The following PABIR3 variants were observed in gnomAD, a reference collection of about 807,000 sequenced individuals.
PABIR3 encodes the protein PABIR family member 1.
In PABIR3, 20 loss-of-function variants were observed where a neutral mutation model predicts 23.1. The ratio of observed to expected loss-of-function variants is 0.86; its 90% CI spans 0.61 to 1.26. PABIR3 has a LOEUF of 1.26. Ranked by LOEUF, PABIR3 falls within the 50% of genes most tolerant of loss-of-function variation. PABIR3 has a pLI of 0.00. For missense variants in PABIR3, 189 were observed against 195.4 expected, an observed-to-expected ratio of 0.97 and a Z score of 0.20; for synonymous variants, 69 against 68.5, an observed-to-expected ratio of 1.01 and a Z score of -0.04.
chrX:134,819,203 G>A (rs1404570660), intron 3 of PABIR3, among the ~76,000 whole-genome samples: 1 of 110,569 alleles, frequency 9.0e-6, no homozygotes, highest in Non-Finnish European at 1.9e-5. Flanking sequence ...CCAAAGTACT[G>A]GGATTACAGG....
chrX:134,832,384 G>A (rs2081823683), intron 4 of PABIR3, among the ~76,000 whole-genome samples: 1 of 101,289 alleles, frequency 9.9e-6, no homozygotes, highest in South Asian at 4.8e-4. Context: ...TGCTACAAAC[G>A]ACTGGATCCC....
intron 6 of PABIR3, among the ~76,000 whole-genome samples, chrX:134,846,641 T>C (rs2082447378): frequency 8.9e-6 from 1 of 112,089 alleles, no homozygotes; most frequent in Non-Finnish European, 1.9e-5. Flanking sequence ...TTATTTTCCT[T>C]TGAGCCCTGA....
At chrX:134,851,378 A>G (rs753782693) in intron 9 of PABIR3, among the ~76,000 whole-genome samples, 1 of 110,315 alleles carries the variant, frequency 9.1e-6, no homozygotes, top group African/African-American at 3.3e-5. Context: ...TCTACTAAAA[A>G]TACAAAAATT....
upstream of PABIR3, among the ~76,000 whole-genome samples, chrX:134,804,891 A>G (rs1225061037): frequency 8.9e-6 from 1 of 112,573 alleles, no homozygotes; most frequent in Non-Finnish European, 1.9e-5. Context: ...TACCCTGGGA[A>G]TTTTAACAGT....
At chrX:134,853,169 G>T (rs1399614760) in intron 10 of PABIR3, among the ~76,000 whole-genome samples, 3 of 111,036 alleles carry the variant, frequency 2.7e-5, no homozygotes, top group African/African-American at 9.8e-5. Context: ...GGCTCAAGCA[G>T]TCCTCCCACC....
chrX:134,849,773 A>G (rs1022677866), intron 9 of PABIR3, among the ~76,000 whole-genome samples: 1 of 109,793 alleles, frequency 9.1e-6, no homozygotes, highest in Admixed American at 9.9e-5. Flanking sequence ...GGCAGTGGAA[A>G]GAATAAAAGG....
rs150994766 is a variant in PABIR3 at position 134,815,492 on chromosome X, C to T, written c.189+643C>T. On this transcript the variant is annotated intron_variant, in intron 3 of 10. Coordinates refer to ENST00000645433, the MANE Select transcript of PABIR3 (RefSeq NM_001388447.1). ...TGTTTTAAAATATACAATTCAATGG[C>T]ATTTAGTGTATTCACAATGTTGTTC... is the stretch of plus-strand genomic sequence containing the variant. Among the ~76,000 whole-genome samples, 61 of 111,352 alleles carry T rather than the reference C, an allele frequency of 5.5e-4. No homozygotes were observed. The East Asian group carries it at 0.015, about 27-fold the overall frequency.
intron 10 of PABIR3, 109 bp from the exon 11 acceptor site, chrX:134,853,982 C>G (rs1194679306): frequency 1.2e-6 from 1 of 845,161 alleles, no homozygotes; most frequent in Non-Finnish European, 1.6e-6. Flanking sequence ...TTGCTTGTGA[C>G]AAGTGCCAGT....
At chrX:134,818,934 C>CTTTTTT (rs1216993828) in intron 3 of PABIR3, among the ~76,000 whole-genome samples, 492 of 76,999 alleles carry the variant, frequency 6.4e-3, no homozygotes, top group Non-Finnish European at 7.2e-3. Flanking sequence ...TTTTTTCTTT[C>CTTTTTT]TTTTTTTTTT....
rs142961854 is a variant in PABIR3, at chrX:134,836,413, A to G, written c.246+7131A>G. Reference sequence around the variant, plus strand: ...GCTCAGGCTGCCATTGCAAAGTATCACAAACTGGGCGGCTTAAACAACAGA... The same window carrying G: ...GCTCAGGCTGCCATTGCAAAGTATCGCAAACTGGGCGGCTTAAACAACAGA... On this transcript the variant is annotated intron_variant, in intron 4 of 10. Coordinates refer to ENST00000645433, the MANE Select transcript of PABIR3 (RefSeq NM_001388447.1). Among the ~76,000 whole-genome samples, 516 of 112,899 alleles carry G rather than the reference A, an allele frequency of 4.6e-3. 1 individual carries two copies. The highest frequency in any genetic ancestry group is 0.014 in the African/African-American group (444 of 31,154).
At chrX:134,824,188 C>G (rs1363812078) in intron 3 of PABIR3, among the ~76,000 whole-genome samples, 1 of 111,792 alleles carries the variant, frequency 8.9e-6, no homozygotes, top group East Asian at 2.8e-4. Flanking sequence ...TATTTGAATT[C>G]CAGTTCTAGC....
chrX:134,852,192 A>G (rs2082658622), intron 9 of PABIR3, among the ~76,000 whole-genome samples: 1 of 112,115 alleles, frequency 8.9e-6, no homozygotes, highest in Non-Finnish European at 1.9e-5. Flanking sequence ...ATCATCTTGC[A>G]GGCCGGGCAC....
chrX:134,818,035 C>T (rs988904595), intron 3 of PABIR3, among the ~76,000 whole-genome samples: 2 of 111,334 alleles, frequency 1.8e-5, no homozygotes, highest in African/African-American at 3.3e-5. Context: ...AATCAATGGA[C>T]GGTGGGAAAC....
chrX:134,830,677 C>A (rs1020287669), intron 4 of PABIR3, among the ~76,000 whole-genome samples: 2 of 110,486 alleles, frequency 1.8e-5, no homozygotes, highest in Non-Finnish European at 3.8e-5. Flanking sequence ...TTACTCCTGT[C>A]TTTGTATGTA....
At chrX:134,847,733 T>C (rs1029321097) in intron 7 of PABIR3, 150 bp from the exon 8 acceptor site, 9 of 487,148 alleles carry the variant, frequency 1.8e-5, no homozygotes, top group Non-Finnish European at 1.4e-5. Context: ...AATCAAGATA[T>C]TGAACAGTTC....
chrX:134,797,933 C>T (rs899635024), intron 1 of PABIR3, among the ~76,000 whole-genome samples: 15 of 109,888 alleles, frequency 1.4e-4, no homozygotes, highest in Non-Finnish European at 2.3e-4. Context: ...GATTCTCTTG[C>T]CTCAGCCTCC....
chrX:134,826,403 A>T (rs1206539199), intron 3 of PABIR3, among the ~76,000 whole-genome samples: 1 of 110,505 alleles, frequency 9.0e-6, no homozygotes, highest in Non-Finnish European at 1.9e-5. Flanking sequence ...TTTTATTCCC[A>T]CCCCACTTTG....
intron 4 of PABIR3, 96 bp downstream of exon 4, chrX:134,829,378 G>C (rs2081655558): frequency 3.0e-6 from 2 of 675,840 alleles, no homozygotes; most frequent in African/African-American, 4.5e-5. Flanking sequence ...TCTAAGTGAG[G>C]TCACGTGTAA....
At chrX:134,850,641 T>G (rs749242959) in intron 9 of PABIR3, among the ~76,000 whole-genome samples, 2 of 112,534 alleles carry the variant, frequency 1.8e-5, no homozygotes, top group South Asian at 7.3e-4. Context: ...AGTTCTCCTT[T>G]TGAGACATGT....
Sources: gnomAD v4.1 joint callset for allele counts (sites outside exome capture counted in the v4.1 genomes callset) on GRCh38, gnomAD v4.1.1 for gene constraint, MANE v1.5 for transcripts, NCBI Gene and HGNC (gene_info 2026-07-23, HGNC 2026-07-21) for gene names.